Variants in NLGN1 observed in about 807,000 individuals in gnomAD.
The protein encoded by NLGN1 is neuroligin-1.
In NLGN1, 12 loss-of-function variants were observed where a neutral mutation model predicts 65.5. That is an observed-to-expected ratio of 0.18 (90% CI 0.12 to 0.30). NLGN1 has a LOEUF of 0.30. Ranked by LOEUF, NLGN1 falls within the 10% of genes least tolerant of loss-of-function variation. NLGN1 has a pLI of 1.00. For missense variants in NLGN1, 750 were observed against 1,007.1 expected, an observed-to-expected ratio of 0.74 and a Z score of 3.46; for synonymous variants, 350 against 359.5, an observed-to-expected ratio of 0.97 and a Z score of 0.30.
chr3:173,815,639 C>G (rs946616710), intron 4 of NLGN1, among the ~76,000 whole-genome samples: 1 of 152,110 alleles, frequency 6.6e-6, no homozygotes, highest in African/African-American at 2.4e-5. Context: ...CTCTCCTACC[C>G]TGACCTCTAA....
chr3:173,917,798 G>A lies in NLGN1; in HGVS notation c.646+109966G>A, dbSNP rs115820693. Among the ~76,000 whole-genome samples the A allele has an allele frequency of 7.6e-3, 1,158 of 151,622 alleles. 10 individuals carry two copies. Among genetic ancestry groups the A allele is most frequent in the African/African-American group, 0.026 (1,086 of 41,096 alleles). ...TCCATGACACGATGAAATATTATCA[G>A]CTGAACTTAGGAAGGGCGCTCTGAA... On this transcript the variant is annotated intron_variant, in intron 4 of 6. Transcript: ENST00000457714.
chr3:173,759,294 A>C (rs1777601345), intron 3 of NLGN1, among the ~76,000 whole-genome samples: 1 of 151,978 alleles, frequency 6.6e-6, no homozygotes, highest in East Asian at 1.9e-4. Flanking sequence ...GATAGATATT[A>C]AATGCATTTT....
chr3:173,984,030 G>A (rs1719346964), intron 4 of NLGN1, among the ~76,000 whole-genome samples: 1 of 152,188 alleles, frequency 6.6e-6, no homozygotes, highest in Non-Finnish European at 1.5e-5. Context: ...GCTAGAGGAT[G>A]TCTCAGGACG....
chr3:174,110,038 A>G (rs1006073959), intron 4 of NLGN1, among the ~76,000 whole-genome samples: 1 of 151,570 alleles, frequency 6.6e-6, no homozygotes, highest in African/African-American at 2.4e-5. Context: ...TTTTTTCTTT[A>G]TTTTCATTAT....
intron 4 of NLGN1, among the ~76,000 whole-genome samples, chr3:174,131,098 C>T (rs1354417900): frequency 1.3e-5 from 2 of 152,072 alleles, no homozygotes; most frequent in Non-Finnish European, 2.9e-5. Context: ...GCCAGGTTAC[C>T]CGGAAGTCCT....
At chr3:173,512,129 T>C (rs1560363617) in intron 2 of NLGN1, among the ~76,000 whole-genome samples, 4 of 152,144 alleles carry the variant, frequency 2.6e-5, no homozygotes, top group African/African-American at 9.7e-5. Context: ...GAGGCTGAGC[T>C]CTCTTAGCTC....
chr3:174,214,615 T>C (rs762408320), intron 4 of NLGN1, among the ~76,000 whole-genome samples: 1 of 152,212 alleles, frequency 6.6e-6, no homozygotes, highest in Non-Finnish European at 1.5e-5. Flanking sequence ...GAAAGACTTC[T>C]GGGCTTTGTT....
chr3:174,222,121 T>C (rs1438129569), intron 4 of NLGN1, among the ~76,000 whole-genome samples: 1 of 152,066 alleles, frequency 6.6e-6, no homozygotes, highest in African/African-American at 2.4e-5. Context: ...TTTGAGTATT[T>C]TGAGATAAGT....
intron 3 of NLGN1, among the ~76,000 whole-genome samples, chr3:173,723,637 TAA>T (rs1652658153): frequency 6.6e-6 from 1 of 152,188 alleles, no homozygotes; most frequent in African/African-American, 2.4e-5. Context: ...ACGGTGAATA[TAA>T]GACACTTTTT....
intron 4 of NLGN1, among the ~76,000 whole-genome samples, chr3:174,072,614 C>T (rs982877804): frequency 6.6e-6 from 1 of 151,984 alleles, no homozygotes; most frequent in African/African-American, 2.4e-5. Context: ...TGAGGGCAGC[C>T]ACGTCTGTAA....
At chr3:173,905,667 C>G (rs977194512) in intron 4 of NLGN1, among the ~76,000 whole-genome samples, 7 of 152,154 alleles carry the variant, frequency 4.6e-5, no homozygotes, top group African/African-American at 1.7e-4. Context: ...TGGGGCATTT[C>G]AAGCAAGCAC....
intron 2 of NLGN1, among the ~76,000 whole-genome samples, chr3:173,472,322 C>T (rs1033623870): frequency 2.0e-5 from 3 of 151,972 alleles, no homozygotes; most frequent in African/African-American, 7.2e-5. Context: ...TCTGCCATTT[C>T]TATTATTTTT....
intron 2 of NLGN1, among the ~76,000 whole-genome samples, chr3:173,490,179 G>C (rs971112009): frequency 3.3e-5 from 5 of 152,058 alleles, no homozygotes; most frequent in African/African-American, 1.2e-4. Flanking sequence ...GTCCTAAATG[G>C]TATTTTTTTA....
intron 3 of NLGN1, among the ~76,000 whole-genome samples, chr3:173,772,788 C>G (rs1337322706): frequency 6.6e-6 from 1 of 152,066 alleles, no homozygotes; most frequent in African/African-American, 2.4e-5. Flanking sequence ...TCAGTGACAC[C>G]CATCCTTTTT....
At chr3:174,283,947 A>G (rs1161295322) in exon 7 of NLGN1, 3 of 151,442 alleles carry the variant, frequency 2.0e-5, no homozygotes, top group Admixed American at 2.0e-4. Flanking sequence ...ATACTTTCAT[A>G]TGCATTGCTT....
chr3:173,964,148 A>C (rs1714271635), intron 4 of NLGN1, among the ~76,000 whole-genome samples: 1 of 152,084 alleles, frequency 6.6e-6, no homozygotes, highest in African/African-American at 2.4e-5. Flanking sequence ...GAGAGAGAGA[A>C]GATTGAGACG....
At chr3:173,693,760 G>A (rs1390324197) in intron 3 of NLGN1, among the ~76,000 whole-genome samples, 1 of 151,846 alleles carries the variant, frequency 6.6e-6, no homozygotes, top group Non-Finnish European at 1.5e-5. Flanking sequence ...TAAAAAAGAA[G>A]GTTAATTTTC....
intron 4 of NLGN1, among the ~76,000 whole-genome samples, chr3:174,177,118 A>G (rs1729602832): frequency 6.6e-6 from 1 of 152,110 alleles, no homozygotes; most frequent in Non-Finnish European, 1.5e-5. Context: ...GCTGTGCACA[A>G]TACTCAAAAT....
At chr3:174,199,442 A>C (rs1013958835) in intron 4 of NLGN1, among the ~76,000 whole-genome samples, 2 of 107,354 alleles carry the variant, frequency 1.9e-5, no homozygotes, top group African/African-American at 8.4e-5. Flanking sequence ...CTTTTCTAAA[A>C]AGCACTATTT....
Sources: gnomAD v4.1 joint callset for allele counts (sites outside exome capture counted in the v4.1 genomes callset) on GRCh38, gnomAD v4.1.1 for gene constraint, MANE v1.5 for transcripts, NCBI Gene and HGNC (gene_info 2026-07-23, HGNC 2026-07-21) for gene names.